Variants in PDLIM5 observed in about 807,000 individuals in gnomAD.
PDLIM5 encodes PDZ and LIM domain 5.
Under a neutral mutation model 64.2 loss-of-function variants are expected in PDLIM5, and 34 were observed. That is an observed-to-expected ratio of 0.53 (90% CI 0.40 to 0.71). The LOEUF (loss-of-function observed/expected upper bound fraction) is 0.71, where lower values mean the gene tolerates loss of function less well. Ranked by LOEUF, PDLIM5 falls within the 30% of genes least tolerant of loss-of-function variation. The probability of loss-of-function intolerance (pLI) is 0.00; values close to 1 mark genes in which losing one functional copy is unlikely to be tolerated. For synonymous variants in PDLIM5, 253 were observed against 269.1 expected (o/e 0.94, Z 0.59); for missense variants, 683 against 733.6 (o/e 0.93, Z 0.80).
chr4:94,575,332 T>C (rs1735154127), intron 4 of PDLIM5, among the ~76,000 whole-genome samples: 2 of 152,336 alleles, frequency 1.3e-5, no homozygotes, highest in East Asian at 1.9e-4. Context: ...GCTTTAGGCT[T>C]TCTGATAGTT....
At chr4:94,549,044 G>A (rs35136009) in intron 3 of PDLIM5, among the ~76,000 whole-genome samples, 3,268 of 152,034 alleles carry the variant, frequency 0.021, 48 homozygotes, top group Non-Finnish European at 0.037. Context: ...TTCATGTTTT[G>A]CTTTAATTGG....
chr4:94,544,990 A>G lies in PDLIM5; in HGVS notation c.248+21115A>G, dbSNP rs555416290. Among the ~76,000 whole-genome samples the G allele has an allele frequency of 4.5e-3, 688 of 152,334 alleles. 7 individuals carry two copies. Among genetic ancestry groups the G allele is most frequent in the African/African-American group, 0.016 (657 of 41,578 alleles). On this transcript the variant is annotated intron_variant, in intron 3 of 12. Transcript: ENST00000317968. ...ACAGCATAGGCTTGTTTTTCTGGTT[A>G]ATGAGACCAATCAGAAATATCAGAG...
chr4:94,595,033 G>A (rs186666559), intron 7 of PDLIM5, among the ~76,000 whole-genome samples: 7 of 152,260 alleles, frequency 4.6e-5, no homozygotes, highest in Admixed American at 4.6e-4. Context: ...AGGTGAAGGG[G>A]AAGCTGGTAC....
At chr4:94,579,536 A>C (rs1454144249) in intron 5 of PDLIM5, 6 of 1,375,852 alleles carry the variant, frequency 4.4e-6, no homozygotes, top group Non-Finnish European at 6.0e-6. Context: ...ACAAGTGACA[A>C]AGTTAGTATC....
chr4:94,563,937 CTTT>C (rs1295763694), intron 3 of PDLIM5, among the ~76,000 whole-genome samples: 6 of 97,282 alleles, frequency 6.2e-5, no homozygotes, highest in South Asian at 6.2e-4. Flanking sequence ...AGCAATTTTT[CTTT>C]TTTTTTTTTC....
At chr4:94,530,096 C>T (rs1730730806) in intron 3 of PDLIM5, among the ~76,000 whole-genome samples, 1 of 152,138 alleles carries the variant, frequency 6.6e-6, no homozygotes, top group Non-Finnish European at 1.5e-5. Flanking sequence ...CATAGATAAA[C>T]TTGTTACATG....
chr4:94,602,254 A>C (rs1258240871), intron 7 of PDLIM5, among the ~76,000 whole-genome samples: 5 of 152,224 alleles, frequency 3.3e-5, no homozygotes, highest in Non-Finnish European at 7.3e-5. Flanking sequence ...CAGAAATAGG[A>C]AGCATTTAAA....
intron 7 of PDLIM5, among the ~76,000 whole-genome samples, chr4:94,601,938 T>C (rs1200775959): frequency 3.3e-5 from 5 of 152,226 alleles, no homozygotes; most frequent in African/African-American, 1.2e-4. Flanking sequence ...AGAAAATACT[T>C]ATTTTTTTCA....
chr4:94,627,373 G>A (rs1739782681), intron 8 of PDLIM5, among the ~76,000 whole-genome samples: 1 of 152,146 alleles, frequency 6.6e-6, no homozygotes, highest in Non-Finnish European at 1.5e-5. Context: ...TTCCAGTGCT[G>A]ATGCAAGGCT....
At chr4:94,624,933 G>A (rs1220838038) in intron 8 of PDLIM5, among the ~76,000 whole-genome samples, 4 of 152,236 alleles carry the variant, frequency 2.6e-5, no homozygotes, top group East Asian at 1.9e-4. Context: ...TAGCATTAAT[G>A]TGTTTAAAAG....
intron 8 of PDLIM5, among the ~76,000 whole-genome samples, chr4:94,628,632 T>C (rs978139937): frequency 3.9e-5 from 6 of 152,282 alleles, no homozygotes; most frequent in African/African-American, 1.4e-4. Flanking sequence ...ATTAGGCTGC[T>C]TTCTTATTTG....
rs1743056107 is a variant in PDLIM5, at chr4:94,665,865, A to G, written c.*1798A>G. ...TGTTGGGAGGGGAGTTTAATTACTCAGATTGGCCTGTTATTTGATTTCCTC... is the reference window on the plus strand; with the variant it reads ...TGTTGGGAGGGGAGTTTAATTACTCGGATTGGCCTGTTATTTGATTTCCTC... On this transcript the variant is annotated 3_prime_UTR_variant, in exon 13 of 13. Transcript: ENST00000317968. 1 of 1,402,288 alleles carries G rather than the reference A, an allele frequency of 7.1e-7. No individual in the cohort carries two copies. Among genetic ancestry groups the G allele is most frequent in the Admixed American group, 3.2e-5 (1 of 31,136 alleles). 86.9% of individuals were successfully genotyped at this position (1,402,288 alleles called of 1,614,324 possible). A position where few individuals can be genotyped will look rare whatever the true frequency, so the allele number is the denominator to read the frequency against.
chr4:94,489,180 CA>C (rs2126116767), intron 2 of PDLIM5: 1 of 152,182 alleles, frequency 6.6e-6, no homozygotes, highest in African/African-American at 2.4e-5. Context: ...TATTTTTAAT[CA>C]TGGAGGAATA....
intron 3 of PDLIM5, among the ~76,000 whole-genome samples, chr4:94,569,965 C>A (rs1268616303): frequency 6.6e-6 from 1 of 152,118 alleles, no homozygotes; most frequent in African/African-American, 2.4e-5. Context: ...TCCATTGGTT[C>A]TCTGGCTTGA....
At chr4:94,646,095 C>T (rs1741392116) in intron 9 of PDLIM5, among the ~76,000 whole-genome samples, 1 of 152,172 alleles carries the variant, frequency 6.6e-6, no homozygotes, top group Non-Finnish European at 1.5e-5. Flanking sequence ...TTGTGTGCCG[C>T]TGTCCTTAGA....
At chr4:94,656,515 T>C (rs1045542296) in intron 10 of PDLIM5, among the ~76,000 whole-genome samples, 2 of 151,198 alleles carry the variant, frequency 1.3e-5, no homozygotes, top group African/African-American at 4.8e-5. Context: ...AAACACGTGT[T>C]AAACTGATTG....
In PDLIM5 at chr4:94,567,614, C is replaced by T. The variant is rs568096095; in HGVS notation, c.249-5737C>T. Among the ~76,000 whole-genome samples the T allele has an allele frequency of 1.7e-3, 256 of 152,002 alleles. 1 individual carries two copies. The highest frequency in any genetic ancestry group is 3.7e-3 in the Admixed American group (56 of 15,272). ...AGAAGGGAATTATACTTGTCAGTCT[C>T]TTCCCTTGCATAAAAATGCAGGGTG... On this transcript the variant is annotated intron_variant, in intron 3 of 12. Transcript: ENST00000317968.
intron 2 of PDLIM5, among the ~76,000 whole-genome samples, chr4:94,482,843 C>T (rs960135522): frequency 1.3e-5 from 2 of 152,008 alleles, no homozygotes; most frequent in Non-Finnish European, 2.9e-5. Context: ...GAGCCATGAT[C>T]GTGCCACTGC....
intron 3 of PDLIM5, among the ~76,000 whole-genome samples, chr4:94,564,948 G>A (rs1236691865): frequency 3.3e-5 from 5 of 152,058 alleles, no homozygotes; most frequent in East Asian, 1.9e-4. Context: ...GAGCCGCCAC[G>A]CCCAGCCCGT....
Sources: allele counts gnomAD v4.1 joint callset (sites outside exome capture counted in the v4.1 genomes callset), GRCh38; gene constraint gnomAD v4.1.1; transcripts MANE v1.5; gene names NCBI Gene and HGNC (gene_info 2026-07-23, HGNC 2026-07-21).